SLC13A1: variants seen among roughly 807,000 people sequenced by gnomAD.
The protein encoded by SLC13A1 is Na(+)/sulfate cotransporter.
A neutral mutation model predicts 70.0 loss-of-function variants in SLC13A1; 65 were observed. That is an observed-to-expected ratio of 0.93 (90% CI 0.76 to 1.14). The LOEUF (loss-of-function observed/expected upper bound fraction) is 1.14. SLC13A1 is among the 50% of genes most tolerant of loss of function. The pLI is 0.00. For synonymous variants in SLC13A1, 275 were observed against 250.5 expected (o/e 1.10, Z -0.92); for missense variants, 726 against 717.8 (o/e 1.01, Z -0.13).
In SLC13A1 at chr7:123,187,164, TA is replaced by T. The variant is rs1585402570; in HGVS notation, c.100-6064del. Among the ~76,000 whole-genome samples the T allele has an allele frequency of 2.6e-5, 4 of 152,230 alleles. No homozygotes were observed. In the East Asian group the frequency reaches 7.7e-4, roughly 29 times the overall value. On this transcript the variant is annotated intron_variant, in intron 1 of 14. Coordinates refer to ENST00000194130, the MANE Select transcript of SLC13A1 (RefSeq NM_022444.4). ...AGATCATAGGCAATGTCATGTCGCTTAACCCTGGATACCTGCTCTGTATGTA... is the reference window on the plus strand; with the variant it reads ...AGATCATAGGCAATGTCATGTCGCTTACCCTGGATACCTGCTCTGTATGTA...
intron 8 of SLC13A1, among the ~76,000 whole-genome samples, chr7:123,134,014 G>A (rs371525202): frequency 1.4e-4 from 21 of 151,850 alleles, no homozygotes; most frequent in Non-Finnish European, 2.1e-4. Context: ...GTCCTTTTAG[G>A]GGGGAGGTTT....
chr7:123,188,959 CA>C (rs1297040899), intron 1 of SLC13A1, among the ~76,000 whole-genome samples: 1 of 150,680 alleles, frequency 6.6e-6, no homozygotes, highest in Non-Finnish European at 1.5e-5. Flanking sequence ...ACTAAAAATA[CA>C]AAAAATTAGC....
At chr7:123,155,818 C>T (rs1260332764) in intron 6 of SLC13A1, among the ~76,000 whole-genome samples, 3 of 152,098 alleles carry the variant, frequency 2.0e-5, no homozygotes, top group Non-Finnish European at 4.4e-5. Context: ...AAGGCATAGA[C>T]TTGGCTCCTG....
intron 14 of SLC13A1, 37 bp downstream of exon 14, chr7:123,117,434 G>A (rs1385451383): frequency 7.5e-6 from 12 of 1,600,014 alleles, no homozygotes; most frequent in Non-Finnish European, 8.5e-6. Flanking sequence ...ACCAAGATGT[G>A]TATTGGATTT....
intron 7 of SLC13A1, among the ~76,000 whole-genome samples, chr7:123,138,658 C>A (rs753616971): frequency 7.9e-5 from 12 of 152,084 alleles, no homozygotes; most frequent in Non-Finnish European, 1.8e-4. Context: ...ATTTACATTT[C>A]TCTGATGATC....
intron 1 of SLC13A1, among the ~76,000 whole-genome samples, chr7:123,182,950 T>A (rs952867659): frequency 6.6e-6 from 1 of 152,144 alleles, no homozygotes; most frequent in Non-Finnish European, 1.5e-5. Flanking sequence ...TAATGTCTTA[T>A]CACAACACCT....
rs185843128 is a variant in SLC13A1, at chr7:123,169,357, T to C, written c.366-22A>G. 11 of 1,606,350 alleles carry C rather than the reference T, an allele frequency of 6.8e-6. No individual in the cohort carries two copies. In the East Asian group the frequency reaches 2.2e-4, roughly 33 times the overall value. ...CAGCCTGAAACCAGAGAGCCATTATTGTGGAGCTGTGCTCTTAGCTTAACT... is the reference window on the plus strand; with the variant it reads ...CAGCCTGAAACCAGAGAGCCATTATCGTGGAGCTGTGCTCTTAGCTTAACT... On this transcript the variant is annotated intron_variant, in intron 3 of 14. Coordinates refer to ENST00000194130, the MANE Select transcript of SLC13A1 (RefSeq NM_022444.4).
chr7:123,115,514 C>T lies in SLC13A1; in HGVS notation c.*4G>A. ...CCGCAAGATAGTCAGAAATTTTGTG[C>T]TTATTATGGCATGGTCTCATTACTC... On this transcript the variant is annotated 3_prime_UTR_variant, in exon 15 of 15. Transcript: ENST00000194130. 6.2e-7 allele frequency: 1 copy of T among 1,603,860 alleles called. No individual in the cohort carries two copies.
intron 6 of SLC13A1, among the ~76,000 whole-genome samples, chr7:123,149,083 T>C (rs1563332348): frequency 6.6e-6 from 1 of 152,138 alleles, no homozygotes; most frequent in Non-Finnish European, 1.5e-5. Context: ...GTAACACACA[T>C]CTTCTGCCTG....
intron 7 of SLC13A1, among the ~76,000 whole-genome samples, chr7:123,135,521 CAT>C (rs1172128758): frequency 6.6e-6 from 1 of 151,914 alleles, no homozygotes; most frequent in African/African-American, 2.4e-5. Context: ...TGTTTGAAGT[CAT>C]AAAATATGTA....
chr7:123,119,167 T>G lies in SLC13A1; in HGVS notation c.1426A>C (p.Ile476Leu). 1 of 1,612,656 alleles carries G rather than the reference T, an allele frequency of 6.2e-7. No homozygotes were observed. Among genetic ancestry groups the G allele is most frequent in the Admixed American group, 1.7e-5 (1 of 59,896 alleles). ...GSLPAWLIILISSLMVTSLTE... is the reference protein window; with the variant it reads ...GSLPAWLIILLSSLMVTSLTE... Reference sequence around the variant, plus strand: ...AAAGATGTCACCATCAAAGAAGATATCAGAATTATTAGCCATGCTGGTAAT... The same window carrying G: ...AAAGATGTCACCATCAAAGAAGATAGCAGAATTATTAGCCATGCTGGTAAT... The change falls in exon 13 of 15, where the codon ATA (isoleucine) becomes CTA (leucine). Residue 476 changes from isoleucine to leucine, a missense_variant. Transcript: ENST00000194130.
chr7:123,135,436 CAT>C (rs1793920031), intron 7 of SLC13A1, among the ~76,000 whole-genome samples: 1 of 151,834 alleles, frequency 6.6e-6, no homozygotes, highest in African/African-American at 2.4e-5. Context: ...AAAGCAATAA[CAT>C]AAAGATAAAT....
chr7:123,166,310 T>A (rs1161360180), intron 6 of SLC13A1, among the ~76,000 whole-genome samples: 1 of 152,098 alleles, frequency 6.6e-6, no homozygotes. Context: ...TTTCCAAAGA[T>A]GACCACAAGA....
chr7:123,155,136 A>C (rs1035303793), intron 6 of SLC13A1, among the ~76,000 whole-genome samples: 1 of 152,038 alleles, frequency 6.6e-6, no homozygotes, highest in African/African-American at 2.4e-5. Flanking sequence ...GGTCTGCTTC[A>C]TTCATTTTGA....
At chr7:123,116,245 T>C (rs1563313948) in intron 14 of SLC13A1, among the ~76,000 whole-genome samples, 1 of 152,192 alleles carries the variant, frequency 6.6e-6, no homozygotes, top group Non-Finnish European at 1.5e-5. Context: ...TACAGTCCAT[T>C]AAACAATCTC....
chr7:123,116,225 A>G (rs1046186320), intron 14 of SLC13A1, among the ~76,000 whole-genome samples: 7 of 152,182 alleles, frequency 4.6e-5, no homozygotes, highest in Non-Finnish European at 8.8e-5. Flanking sequence ...TAGCTCTTAT[A>G]TCATTATTCT....
intron 1 of SLC13A1, among the ~76,000 whole-genome samples, chr7:123,190,826 G>C (rs1313429732): frequency 6.6e-6 from 1 of 152,080 alleles, no homozygotes; most frequent in East Asian, 1.9e-4. Flanking sequence ...TGAGGATTTT[G>C]TTTGTTTTTT....
At chr7:123,131,500 A>T (rs1029752918) in intron 8 of SLC13A1, among the ~76,000 whole-genome samples, 1 of 152,328 alleles carries the variant, frequency 6.6e-6, no homozygotes, top group African/African-American at 2.4e-5. Flanking sequence ...GACAAAGCCT[A>T]TGACAATGCA....
intron 7 of SLC13A1, among the ~76,000 whole-genome samples, chr7:123,140,500 A>G (rs1794098946): frequency 6.6e-6 from 1 of 152,010 alleles, no homozygotes; most frequent in South Asian, 2.1e-4. Flanking sequence ...AGTAGGATTG[A>G]TATTATTTCT....
Sources: gnomAD v4.1 joint callset for allele counts (sites outside exome capture counted in the v4.1 genomes callset) on GRCh38, gnomAD v4.1.1 for gene constraint, MANE v1.5 for transcripts, NCBI Gene and HGNC (gene_info 2026-07-23, HGNC 2026-07-21) for gene names.